The following INO80 variants were observed in gnomAD, a reference collection of about 807,000 sequenced individuals.
INO80 encodes the protein chromatin-remodeling ATPase INO80.
Under a neutral mutation model 203.4 loss-of-function variants are expected in INO80, and 20 were observed. The ratio of observed to expected loss-of-function variants is 0.10; its 90% CI spans 0.07 to 0.14. The LOEUF (loss-of-function observed/expected upper bound fraction) is 0.14. INO80 is among the 10% of genes least tolerant of loss of function. INO80 has a pLI of 1.00. For missense variants in INO80, 1,419 were observed against 1,914.4 expected, an observed-to-expected ratio of 0.74 and a Z score of 4.83; for synonymous variants, 726 against 685.2, an observed-to-expected ratio of 1.06 and a Z score of -0.93.
At chr15:41,041,929 G>C (rs2044675290) in intron 24 of INO80, among the ~76,000 whole-genome samples, 1 of 150,314 alleles carries the variant, frequency 6.7e-6, no homozygotes, top group Non-Finnish European at 1.5e-5. Context: ...TGACATCCTG[G>C]GTTCAAGGGA....
rs768303769 is a variant in INO80, at chr15:40,987,831, G to C, written c.3714C>G (p.Ala1238=). ...TTGTGCTTACCTCACTCTTCTCCTT[G>C]GCTCTTTGCAGAATGCGTTCTTCAA... ...GTIEERILQR[A]KEKSEIQRMV... The change falls in exon 30 of 36, where the codon GCC becomes GCG. Residue 1238 remains alanine (A), a synonymous_variant. Transcript: ENST00000648947. The C allele has an allele frequency of 2.2e-5, 35 of 1,613,872 alleles. No homozygotes were observed. Among genetic ancestry groups the C allele is most frequent in the Middle Eastern group, 1.7e-4 (1 of 6,056 alleles).
At chr15:40,995,893 T>G (rs2043874410) in intron 29 of INO80, among the ~76,000 whole-genome samples, 1 of 152,180 alleles carries the variant, frequency 6.6e-6, no homozygotes, top group Non-Finnish European at 1.5e-5. Context: ...GTATGACAGA[T>G]GCTGATGATG....
intron 29 of INO80, among the ~76,000 whole-genome samples, chr15:40,992,161 G>A (rs1011923545): frequency 1.4e-4 from 22 of 152,246 alleles, no homozygotes; most frequent in African/African-American, 4.8e-4. Context: ...GAGAATAAGC[G>A]GAGGTTCGGC....
At chr15:41,089,823 T>C (rs1481491754) in intron 5 of INO80, among the ~76,000 whole-genome samples, 1 of 151,416 alleles carries the variant, frequency 6.6e-6, no homozygotes, top group African/African-American at 2.4e-5. Context: ...ACTATCATCA[T>C]TTTAATGTTA....
At chr15:40,984,026 G>C in intron 33 of INO80, 105 bp from the exon 34 acceptor site, 1 of 1,427,678 alleles carries the variant, frequency 7.0e-7, no homozygotes, top group East Asian at 2.3e-5. Flanking sequence ...TTTGGCTTCT[G>C]AGAAACCAAC....
chr15:40,990,058 T>C (rs1004924509), intron 29 of INO80, among the ~76,000 whole-genome samples: 4 of 152,142 alleles, frequency 2.6e-5, no homozygotes, highest in African/African-American at 4.8e-5. Flanking sequence ...TGGCTAAAAT[T>C]TGTTGGGTAC....
In INO80 at chr15:41,060,365, G is replaced by A. The variant is rs567031169; in HGVS notation, c.1783-439C>T. On this transcript the variant is annotated intron_variant, in intron 14 of 35. Transcript: ENST00000648947. ...GCACTTTGGGAGGTCGAGGCAGGCG[G>A]ATCACCTGAGGTCAGGAGTTGGAGA... Among the ~76,000 whole-genome samples the A allele has an allele frequency of 3.3e-5, 5 of 152,136 alleles. No individual in the cohort carries two copies. The South Asian group carries it at 1.0e-3, about 32-fold the overall frequency.
At chr15:41,099,262 AAAAAAC>A (rs1230956991) in intron 1 of INO80, among the ~76,000 whole-genome samples, 64 of 129,600 alleles carry the variant, frequency 4.9e-4, no homozygotes, top group African/African-American at 1.8e-3. Flanking sequence ...AAAAAAAAAA[AAAAAAC>A]AAACACACAC....
At position 41,032,047 on chromosome 15, in the gene INO80, GCACA is replaced by G. The variant is rs1566919727; in HGVS notation, c.2908-4315_2908-4312del. On this transcript the variant is annotated intron_variant, in intron 24 of 35. Coordinates refer to ENST00000648947, the MANE Select transcript of INO80 (RefSeq NM_017553.3). ...GCACAGCACAGCACAGCACAGCACA[GCACA>G]GCACAGCACAGGACAGCACAGGACA... 7.2e-4 allele frequency among the ~76,000 whole-genome samples: 70 copies of G among 97,450 alleles called. 3 individuals are homozygous for G. Among genetic ancestry groups the G allele is most frequent in the African/African-American group, 1.3e-3 (36 of 26,762 alleles). 63.9% of individuals were successfully genotyped at this position (97,450 alleles called of 152,430 possible).
chr15:41,016,009 A>G (rs2044202092), intron 27 of INO80, 79 bp downstream of exon 27: 1 of 1,178,420 alleles, frequency 8.5e-7, no homozygotes, highest in Admixed American at 2.1e-5. Context: ...ATTAAGCAGG[A>G]CTAACATTAG....
At chr15:40,998,606 C>T (rs1044347990) in intron 28 of INO80, among the ~76,000 whole-genome samples, 12 of 151,944 alleles carry the variant, frequency 7.9e-5, no homozygotes, top group South Asian at 4.1e-4. Flanking sequence ...CAAATATTTA[C>T]GGAATGTCTT....
intron 28 of INO80, among the ~76,000 whole-genome samples, chr15:40,998,407 T>C (rs559653780): frequency 6.6e-6 from 1 of 152,312 alleles, no homozygotes; most frequent in South Asian, 2.1e-4. Context: ...TTTTATGTGC[T>C]AACTTGAATT....
chr15:41,044,500 G>A (rs1304852135), intron 24 of INO80, among the ~76,000 whole-genome samples: 3 of 152,002 alleles, frequency 2.0e-5, no homozygotes, highest in African/African-American at 4.8e-5. Flanking sequence ...AATAATCTAC[G>A]GTGACAGAAG....
chr15:41,028,535 T>G (rs2044411316), intron 24 of INO80, among the ~76,000 whole-genome samples: 1 of 152,258 alleles, frequency 6.6e-6, no homozygotes, highest in African/African-American at 2.4e-5. Context: ...CAGGAAATTC[T>G]ATCTCTTTAG....
At chr15:41,083,825 T>C (rs1043978872) in intron 7 of INO80, among the ~76,000 whole-genome samples, 3 of 152,172 alleles carry the variant, frequency 2.0e-5, no homozygotes, top group African/African-American at 7.2e-5. Context: ...TTTATCTAAA[T>C]TGCTACCCAG....
At chr15:40,980,540 T>G in intron 35 of INO80, 100 bp from the exon 36 acceptor site, 1 of 818,098 alleles carries the variant, frequency 1.2e-6, no homozygotes, top group East Asian at 2.7e-5. Context: ...GGAGGAGAAG[T>G]GGTGGGCAAT....
intron 9 of INO80, among the ~76,000 whole-genome samples, chr15:41,077,817 T>C (rs1379991040): frequency 3.9e-5 from 6 of 152,162 alleles, no homozygotes; most frequent in Admixed American, 3.9e-4. Flanking sequence ...CGTCTCTGCC[T>C]TTCTGCTAGG....
In INO80 at chr15:41,096,326, T is replaced by C; in HGVS notation, c.-16A>G. 6.4e-7 allele frequency: 1 copy of C among 1,566,632 alleles called. No individual in the cohort carries two copies. Among genetic ancestry groups the C allele is most frequent in the South Asian group, 1.2e-5 (1 of 83,868 alleles). On this transcript the variant is annotated 5_prime_UTR_variant, in exon 2 of 36. An upstream open reading frame in the 5' UTR loses its in-frame stop. Transcript: ENST00000648947. The stretch of plus-strand genomic sequence containing the variant: ...CCGAGGCCATAGAACAAATCTGTCT[T>C]CATGCACAAGGACCTCCGACTGCAC...
intron 7 of INO80, among the ~76,000 whole-genome samples, chr15:41,084,358 G>A (rs565728674): frequency 9.2e-5 from 14 of 152,148 alleles, no homozygotes; most frequent in South Asian, 2.1e-4. Context: ...TCAAGAGTTC[G>A]AGACCAGCCT....
Sources: gnomAD v4.1 joint callset for allele counts (sites outside exome capture counted in the v4.1 genomes callset) on GRCh38, gnomAD v4.1.1 for gene constraint, MANE v1.5 for transcripts, NCBI Gene and HGNC (gene_info 2026-07-23, HGNC 2026-07-21) for gene names.